GBA2: variants seen among roughly 807,000 people sequenced by gnomAD.
GBA2 encodes the protein non-lysosomal glucosylceramidase.
Under a neutral mutation model 112.9 loss-of-function variants are expected in GBA2, and 79 were observed. That is an observed-to-expected ratio of 0.70 (90% CI 0.58 to 0.84). The LOEUF (loss-of-function observed/expected upper bound fraction) is 0.84. Among genes scored for constraint, GBA2 ranks in the 40% least tolerant of loss-of-function variants. The pLI, the probability that GBA2 is intolerant of heterozygous loss-of-function variation, is 0.00. For missense variants in GBA2, 1,043 were observed against 1,190.0 expected, an observed-to-expected ratio of 0.88 and a Z score of 1.82; for synonymous variants, 403 against 434.3, an observed-to-expected ratio of 0.93 and a Z score of 0.90.
In GBA2 at chr9:35,739,344, T is replaced by G. The variant is rs367589812; in HGVS notation, c.1658A>C (p.Lys553Thr). Residue 553 changes from lysine (K) to threonine (T), a missense_variant, in exon 10 of 17, where the codon AAA (lysine) becomes ACA (threonine). By Grantham distance (78) the Lys-to-Thr change is moderately conservative (BLOSUM62 -1). Transcript: ENST00000378103. ...ASFALIMLWP[K>T]LELSLQYDMA... ...GTCATACTGTAGGCTGAGCTCAAGTTTGGGCCAGAGCATGATGAGGGCAAA... is the reference window on the plus strand; with the variant it reads ...GTCATACTGTAGGCTGAGCTCAAGTGTGGGCCAGAGCATGATGAGGGCAAA... 1.2e-6 allele frequency: 2 copies of G among 1,613,014 alleles called. No homozygotes were observed. The highest frequency in any genetic ancestry group is 1.7e-6 in the Non-Finnish European group (2 of 1,179,056).
Position 35,741,090 on chromosome 9 carries a change from C to G in GBA2, c.787-26G>C. 3 of 1,612,930 alleles carry G rather than the reference C, an allele frequency of 1.9e-6. No individual in the cohort carries two copies. The highest frequency in any genetic ancestry group is 2.5e-6 in the Non-Finnish European group (3 of 1,179,624). On this transcript the variant is annotated intron_variant, in intron 4 of 16. Transcript: ENST00000378103. This position sits in a 1 kb window ranked among gnomAD's most constrained non-coding sequence, Gnocchi z 4.6. ...CTGGGGGCAGAAGATTAGACTCAGA[C>G]GGTCCCAGTAGAGCGCCTCCTGACC...
In GBA2 at chr9:35,740,125, TG is replaced by T. The variant is rs746619541; in HGVS notation, c.1284-3del. On this transcript the variant is annotated splice_region_variant and splice_polypyrimidine_tract_variant and intron_variant, in intron 7 of 16. Transcript: ENST00000378103. The surrounding 1 kb of genome is among the most constrained non-coding windows in gnomAD (Gnocchi z 4.7). ...TGGCCAAAGAACCTTGTATACCGCC[TG>T]GGGTGGGAAGGGGAAGGATGAACAC... 6.2e-7 allele frequency: 1 copy of T among 1,614,076 alleles called. No homozygotes were observed. The highest frequency in any genetic ancestry group is 1.1e-5 in the South Asian group (1 of 91,088).
At position 35,745,564 on chromosome 9, in the gene GBA2, A is replaced by T. The variant is rs113582647; in HGVS notation, c.360-858T>A. The stretch of plus-strand genomic sequence containing the variant: ...TCAAGCCTTTTTTTTTTTTTTTTTT[A>T]AATTCAACATTTAAACTGTGAAGCT... On this transcript the variant is annotated intron_variant, in intron 1 of 16. Coordinates refer to ENST00000378103, the MANE Select transcript of GBA2 (RefSeq NM_020944.3). Among the ~76,000 whole-genome samples the T allele has an allele frequency of 8.3e-3, 1,081 of 130,788 alleles. 16 individuals are homozygous for T. Among genetic ancestry groups the T allele is most frequent in the African/African-American group, 0.025 (843 of 33,910 alleles). 85.8% of individuals were successfully genotyped at this position (130,788 alleles called of 152,430 possible). A position where few individuals can be genotyped will look rare whatever the true frequency, so the allele number is the denominator to read the frequency against.
At position 35,738,774 on chromosome 9, in the gene GBA2, T is replaced by C; in HGVS notation, c.1925A>G (p.Lys642Arg). The C allele has an allele frequency of 1.2e-6, 2 of 1,614,178 alleles. No individual in the cohort carries two copies. Among genetic ancestry groups the C allele is most frequent in the South Asian group, 1.1e-5 (1 of 91,086 alleles). ...YYLTGDQNFL[K>R]DMWPVCLAVM... ...TACTAGACACACAGGCCACATGTCC[T>C]TCAGGAAGTTTTGATCACCCGTGAG... is the stretch of plus-strand genomic sequence containing the variant. The change falls in exon 12 of 17, where the codon AAG becomes AGG. Residue 642 changes from lysine to arginine, a missense_variant. Coordinates refer to ENST00000378103, the MANE Select transcript of GBA2 (RefSeq NM_020944.3).
chr9:35,744,474 T>C, intron 2 of GBA2, 62 bp from the exon 3 acceptor site: 1 of 1,127,606 alleles, frequency 8.9e-7, no homozygotes, highest in Non-Finnish European at 1.4e-6. Context: ...TTTCTAACTT[T>C]CTAGACTATA....
rs183068847 is a variant in GBA2, at chr9:35,748,331, A to T, written c.359+15T>A. 4.5e-4 allele frequency: 665 copies of T among 1,477,764 alleles called. No individual in the cohort carries two copies. The highest frequency in any genetic ancestry group is 5.5e-4 in the Non-Finnish European group (588 of 1,070,766). 91.5% of individuals were successfully genotyped at this position (1,477,764 alleles called of 1,614,324 possible). A position where few individuals can be genotyped will look rare whatever the true frequency, so the allele number is the denominator to read the frequency against. ...AGTGAAGCCAAAGGCATTCTAGGCA[A>T]TGGGGTCTACTCACCTCAAGCCCAT... is the stretch of plus-strand genomic sequence containing the variant. On this transcript the variant is annotated intron_variant, in intron 1 of 16. Transcript: ENST00000378103.
chr9:35,744,187 T>C, intron 3 of GBA2, 110 bp downstream of exon 3: 1 of 704,568 alleles, frequency 1.4e-6, no homozygotes, highest in East Asian at 2.7e-5. Flanking sequence ...GAGTACTTAT[T>C]AGATTGAATC....
Position 35,739,757 on chromosome 9 carries a change from A to G in GBA2, c.1453T>C (p.Tyr485His). 2 of 1,614,116 alleles carry G rather than the reference A, an allele frequency of 1.2e-6. No individual in the cohort carries two copies. The highest frequency in any genetic ancestry group is 1.1e-5 in the South Asian group (1 of 91,082). The change falls in exon 9 of 17, where the codon TAC becomes CAC. Residue 485 changes from tyrosine (Y) to histidine (H), a missense_variant. By Grantham distance (83) the Tyr-to-His change is moderately conservative. Transcript: ENST00000378103. ...WYKSALFNELYFLADGGTVWL... is the reference protein window; with the variant it reads ...WYKSALFNELHFLADGGTVWL... ...ACTGTGCCTCCATCAGCCAGGAAGT[A>G]TAGTTCATTGAACAGCGCAGATTTG...
intron 1 of GBA2, among the ~76,000 whole-genome samples, chr9:35,747,376 G>C (rs1178200652): frequency 1.3e-5 from 2 of 152,092 alleles, no homozygotes; most frequent in Non-Finnish European, 2.9e-5. Context: ...GAAGCAGCCT[G>C]GAGGGATGAT....
In GBA2 at chr9:35,744,341, G is replaced by A; in HGVS notation, c.523C>T (p.Leu175Phe). 2 of 1,613,340 alleles carry A rather than the reference G, an allele frequency of 1.2e-6. No homozygotes were observed. The highest frequency in any genetic ancestry group is 1.7e-6 in the Non-Finnish European group (2 of 1,179,300). Residue 175 changes from leucine (L) to phenylalanine (F), a missense_variant, in exon 3 of 17, where the codon CTT (leucine) becomes TTT (phenylalanine). Coordinates refer to ENST00000378103, the MANE Select transcript of GBA2 (RefSeq NM_020944.3). ...GWRGQFCRWQ[L>F]NPGMYQHRTV... ...CGGTGCTGATACATTCCAGGGTTAA[G>A]CTGCCAACGACAGAACTGGCCTCTC... is the stretch of plus-strand genomic sequence containing the variant.
chr9:35,741,652 T>C lies in GBA2; in HGVS notation c.786+20A>G, dbSNP rs1563963484. On this transcript the variant is annotated intron_variant, in intron 4 of 16. Coordinates refer to ENST00000378103, the MANE Select transcript of GBA2 (RefSeq NM_020944.3). This position sits in a 1 kb window ranked among gnomAD's most constrained non-coding sequence, Gnocchi z 4.6. ...CTGGGGAAGGGAGGGCAATGGAAGATACAGATGTGGGGGCCTCACCTGGTA... is the reference window on the plus strand; with the variant it reads ...CTGGGGAAGGGAGGGCAATGGAAGACACAGATGTGGGGGCCTCACCTGGTA... 5.5e-6 allele frequency: 8 copies of C among 1,464,754 alleles called. No individual in the cohort carries two copies. In the Middle Eastern group the frequency reaches 5.2e-4, roughly 95 times the overall value. The allele number at this position is 1,464,754 out of a possible 1,614,324, so 90.7% of individuals were successfully genotyped here.
chr9:35,743,666 G>T (rs1826823543), intron 3 of GBA2, among the ~76,000 whole-genome samples: 1 of 152,216 alleles, frequency 6.6e-6, no homozygotes, highest in Non-Finnish European at 1.5e-5. Context: ...CGGTCAACTA[G>T]AGAGAGATGA....
At chr9:35,742,760 CT>C (rs568322476) in intron 3 of GBA2, among the ~76,000 whole-genome samples, 8 of 152,282 alleles carry the variant, frequency 5.3e-5, no homozygotes, top group African/African-American at 1.9e-4. Flanking sequence ...TCCATTTCCC[CT>C]AAGTCTTATT....
chr9:35,738,181 T>C (rs748186665), intron 14 of GBA2, 29 bp from the exon 15 acceptor site: 4 of 1,612,752 alleles, frequency 2.5e-6, no homozygotes, highest in Non-Finnish European at 3.4e-6. Context: ...AAAATAAGGC[T>C]CCTGGTGTCC....
chr9:35,738,040 A>G lies in GBA2; in HGVS notation c.2310T>C (p.Thr770=). Residue 770 remains threonine (T), a synonymous_variant, in exon 15 of 17, where the codon ACT becomes ACC. Coordinates refer to ENST00000378103, the MANE Select transcript of GBA2 (RefSeq NM_020944.3). The part of the protein sequence containing the change: ...LKACGLGEGD[T]EVFPTQHVVR... Reference sequence around the variant, plus strand: ...GCTGCTCCTCCTCCTCTCTCACCTCAGTGTCTCCTTCTCCTAGGCCACAGG... The same window carrying G: ...GCTGCTCCTCCTCCTCTCTCACCTCGGTGTCTCCTTCTCCTAGGCCACAGG... 6.2e-7 allele frequency: 1 copy of G among 1,605,572 alleles called. No homozygotes were observed. The highest frequency in any genetic ancestry group is 8.5e-7 in the Non-Finnish European group (1 of 1,174,268).
At position 35,748,519 on chromosome 9, in the gene GBA2, C is replaced by T. The variant is rs1827114485; in HGVS notation, c.186G>A (p.Pro62=). ...AAACCATCAGCTGCCCAGAGTCCTC[C>T]GGATTGCAGCAGTCCGTCTCTTTTG... ...RPPKETDCCN[P]EDSGQLMVSY... Residue 62 remains proline (P), a synonymous_variant, in exon 1 of 17, where the codon CCG becomes CCA. Transcript: ENST00000378103. 6.2e-7 allele frequency: 1 copy of T among 1,614,194 alleles called. No individual in the cohort carries two copies. Among genetic ancestry groups the T allele is most frequent in the Non-Finnish European group, 8.5e-7 (1 of 1,180,032 alleles).
chr9:35,748,299 G>T, intron 1 of GBA2, 47 bp downstream of exon 1: 1 of 1,211,194 alleles, frequency 8.3e-7, no homozygotes, highest in Non-Finnish European at 1.2e-6. Context: ...GTTTTGAGCT[G>T]GAACAAAGTG....
At position 35,741,639 on chromosome 9, in the gene GBA2, G is replaced by T; in HGVS notation, c.786+33C>A. 7.4e-7 allele frequency: 1 copy of T among 1,359,304 alleles called. No individual in the cohort carries two copies. The highest frequency in any genetic ancestry group is 1.1e-6 in the Non-Finnish European group (1 of 947,590). The allele number at this position is 1,359,304 out of a possible 1,614,324, so 84.2% of individuals were successfully genotyped here. On this transcript the variant is annotated intron_variant, in intron 4 of 16. Coordinates refer to ENST00000378103, the MANE Select transcript of GBA2 (RefSeq NM_020944.3). The surrounding 1 kb of genome is among the most constrained non-coding windows in gnomAD (Gnocchi z 4.6). ...GCAGAGGCAGGTCCTGGGGAAGGGA[G>T]GGCAATGGAAGATACAGATGTGGGG...
intron 12 of GBA2, 53 bp downstream of exon 12, chr9:35,738,699 C>T (rs1826417559): frequency 1.2e-6 from 2 of 1,608,600 alleles, no homozygotes. Context: ...TAGGCTCTTC[C>T]CAGACACCAA....
Sources: gnomAD v4.1 joint callset for allele counts (sites outside exome capture counted in the v4.1 genomes callset) on GRCh38, gnomAD v4.1.1 for gene constraint, Gnocchi (gnomAD v3.1) non-coding constraint, MANE v1.5 for transcripts, NCBI Gene and HGNC (gene_info 2026-07-23, HGNC 2026-07-21) for gene names.